Variants in ACBD5 observed in about 807,000 individuals in gnomAD.
ACBD5 encodes the protein acyl-CoA-binding domain-containing protein 5.
Under a neutral mutation model 71.8 loss-of-function variants are expected in ACBD5, and 40 were observed. The observed-to-expected ratio is 0.56, with a 90% CI of 0.43 to 0.72. ACBD5 has a LOEUF of 0.72. Among genes scored for constraint, ACBD5 ranks in the 30% least tolerant of loss-of-function variants. ACBD5 has a pLI of 0.00. For synonymous variants in ACBD5, 229 were observed against 218.6 expected (o/e 1.05, Z -0.42); for missense variants, 559 against 644.5 (o/e 0.87, Z 1.44).
intron 10 of ACBD5, 21 bp from the exon 11 acceptor site, chr10:27,205,269 G>T: frequency 1.2e-6 from 2 of 1,609,832 alleles, no homozygotes; most frequent in South Asian, 2.2e-5. Context: ...AAATGAAGGT[G>T]ACTTAGCCTT....
At chr10:27,225,420 G>A (rs1564673549) in intron 4 of ACBD5, among the ~76,000 whole-genome samples, 1 of 152,202 alleles carries the variant, frequency 6.6e-6, no homozygotes, top group Non-Finnish European at 1.5e-5. Context: ...TGTGTTATAT[G>A]TGTAGGAGGA....
rs141986930 is a variant in ACBD5, at chr10:27,201,198, G to C, written c.1565+3242C>G. Among the ~76,000 whole-genome samples, 11 of 152,314 alleles carry C rather than the reference G, an allele frequency of 7.2e-5. No individual in the cohort carries two copies. The East Asian group carries it at 2.1e-3, about 29-fold the overall frequency. Reference sequence around the variant, plus strand: ...ATAAATAAACAAAGTAATAGTTTAAGAGTAGTTTCTTAGACTTAACAGGTC... The same window carrying C: ...ATAAATAAACAAAGTAATAGTTTAACAGTAGTTTCTTAGACTTAACAGGTC... On this transcript the variant is annotated intron_variant, in intron 12 of 12. Coordinates refer to ENST00000396271, the MANE Select transcript of ACBD5 (RefSeq NM_145698.5).
intron 4 of ACBD5, among the ~76,000 whole-genome samples, chr10:27,229,022 A>T (rs2063514447): frequency 6.7e-6 from 1 of 148,922 alleles, no homozygotes; most frequent in Admixed American, 6.7e-5. Flanking sequence ...GGGTTTCGCC[A>T]TGTTGGCCAG....
rs769448705 is a variant in ACBD5 at position 27,215,598 on chromosome 10, A to C, written c.873T>G (p.His291Gln). 38 of 1,613,578 alleles carry C rather than the reference A, an allele frequency of 2.4e-5. No homozygotes were observed. Among genetic ancestry groups the C allele is most frequent in the Non-Finnish European group, 2.6e-5 (31 of 1,179,816 alleles). Residue 291 changes from histidine (H) to glutamine (Q), a missense_variant, in exon 8 of 13, where the codon CAT becomes CAG. His to Gln is a conservative substitution (Grantham distance 24). Transcript: ENST00000396271. ...CTTCACTGTCTGAATCGCTTGTCAA[A>C]TGCTGAATTCCTGTAACATCTTCAA... ...DHVEDVTGIQ[H>Q]LTSDSDSEVY...
At chr10:27,238,924 G>A (rs1199887405) in intron 2 of ACBD5, among the ~76,000 whole-genome samples, 3 of 152,184 alleles carry the variant, frequency 2.0e-5, no homozygotes, top group Non-Finnish European at 4.4e-5. Context: ...TGGGCCGGGC[G>A]CGGTGGCTCA....
Position 27,197,127 on chromosome 10 carries a change from C to A in ACBD5, c.*303G>T. 1 of 501,262 alleles carries A rather than the reference C, an allele frequency of 2.0e-6. No homozygotes were observed. Among genetic ancestry groups the A allele is most frequent in the South Asian group, 1.9e-5 (1 of 53,706 alleles). The allele number at this position is 501,262 out of a possible 1,614,324, so 31.1% of individuals were successfully genotyped here. On this transcript the variant is annotated 3_prime_UTR_variant, in exon 13 of 13. Coordinates refer to ENST00000396271, the MANE Select transcript of ACBD5 (RefSeq NM_145698.5). The stretch of plus-strand genomic sequence containing the variant: ...ACTCTATGGAAGATAATCAGGTAAA[C>A]ATGTTACCAAATGATCATTAATAAT...
intron 11 of ACBD5, among the ~76,000 whole-genome samples, chr10:27,204,774 A>C (rs1448287432): frequency 6.6e-6 from 1 of 152,208 alleles, no homozygotes; most frequent in Non-Finnish European, 1.5e-5. Context: ...TTTTAACTGC[A>C]AAGGTAGATT....
At chr10:27,218,798 C>A (rs2061968750) in intron 6 of ACBD5, among the ~76,000 whole-genome samples, 1 of 151,972 alleles carries the variant, frequency 6.6e-6, no homozygotes, top group Non-Finnish European at 1.5e-5. Flanking sequence ...GTTGGTCAGG[C>A]TGGTCTCGAA....
At chr10:27,213,164 GA>G (rs2061284297) in intron 8 of ACBD5, among the ~76,000 whole-genome samples, 1 of 151,894 alleles carries the variant, frequency 6.6e-6, no homozygotes, top group African/African-American at 2.4e-5. Context: ...AACTCAATAG[GA>G]AAAAAATCTA....
chr10:27,241,174 C>T (rs182413694), upstream of ACBD5, among the ~76,000 whole-genome samples: 2 of 152,324 alleles, frequency 1.3e-5, no homozygotes, highest in Non-Finnish European at 2.9e-5. Context: ...GTCCCCAGCG[C>T]CTGCACTCTC....
chr10:27,205,776 C>CA (rs2060415800), intron 10 of ACBD5, among the ~76,000 whole-genome samples: 1 of 151,776 alleles, frequency 6.6e-6, no homozygotes, highest in Non-Finnish European at 1.5e-5. Context: ...GTGATCCACC[C>CA]ACCTCAGCCT....
intron 10 of ACBD5, among the ~76,000 whole-genome samples, chr10:27,205,943 G>A (rs2060428917): frequency 6.6e-6 from 1 of 152,012 alleles, no homozygotes; most frequent in Admixed American, 6.6e-5. Flanking sequence ...GTAGAGATGA[G>A]GTCTTGCTCT....
chr10:27,204,394 G>C, intron 12 of ACBD5, 46 bp downstream of exon 12: 1 of 1,412,622 alleles, frequency 7.1e-7, no homozygotes, highest in Non-Finnish European at 1.0e-6. Context: ...GTCTACTATA[G>C]GTTATGAGAG....
At position 27,240,663 on chromosome 10, in the gene ACBD5, AAAC is replaced by A. The variant is rs1297313540; in HGVS notation, c.15+8_15+10del. ...ACGAATCCGGCCCGCGACGACAGCA[AAAC>A]AACTCACCGAGAGGAAGAGCATGTC... On this transcript the variant is annotated splice_region_variant and intron_variant, in intron 1 of 12. Coordinates refer to ENST00000396271, the MANE Select transcript of ACBD5 (RefSeq NM_145698.5). This position sits in a 1 kb window ranked among gnomAD's most constrained non-coding sequence, Gnocchi z 4.1. The A allele has an allele frequency of 3.9e-6, 6 of 1,551,032 alleles. No individual in the cohort carries two copies. In the Middle Eastern group the frequency reaches 8.3e-4, roughly 216 times the overall value.
intron 4 of ACBD5, among the ~76,000 whole-genome samples, chr10:27,228,017 T>C (rs2063310912): frequency 6.6e-6 from 1 of 151,674 alleles, no homozygotes; most frequent in African/African-American, 2.4e-5. Context: ...CCGGCCGAGA[T>C]TCCATCTTTA....
At chr10:27,193,072 TCCTCCCTC>T (rs981307074), downstream of ACBD5, among the ~76,000 whole-genome samples, 3 of 151,058 alleles carry the variant, frequency 2.0e-5, no homozygotes, top group East Asian at 1.9e-4. Context: ...TTTTCTTCCT[TCCTCCCTC>T]CCTCCCTCCC....
intron 12 of ACBD5, among the ~76,000 whole-genome samples, chr10:27,200,616 A>G (rs11015605): frequency 8.7e-4 from 132 of 151,720 alleles, no homozygotes; most frequent in African/African-American, 3.1e-3. Flanking sequence ...GGATTACCAC[A>G]CCCAGCTAAT....
intron 5 of ACBD5, among the ~76,000 whole-genome samples, chr10:27,221,917 C>CAAAAAAAAAAA (rs56253187): frequency 3.9e-5 from 3 of 77,138 alleles, no homozygotes; most frequent in African/African-American, 5.0e-5. Flanking sequence ...GACTCCATCT[C>CAAAAAAAAAAA]AAAAAAAAAA....
intron 12 of ACBD5, among the ~76,000 whole-genome samples, chr10:27,198,977 C>T (rs1588962645): frequency 6.6e-6 from 1 of 151,788 alleles, no homozygotes; most frequent in East Asian, 2.0e-4. Context: ...GGCATGGTGG[C>T]ACGCACCTAT....
Sources: allele counts gnomAD v4.1 joint callset (sites outside exome capture counted in the v4.1 genomes callset), GRCh38; gene constraint gnomAD v4.1.1; non-coding constraint Gnocchi (gnomAD v3.1); transcripts MANE v1.5; gene names NCBI Gene and HGNC (gene_info 2026-07-23, HGNC 2026-07-21).